The following MATK variants were observed in gnomAD, a reference collection of about 807,000 sequenced individuals.
The protein encoded by MATK is megakaryocyte-associated tyrosine kinase, also known as megakaryocyte-associated tyrosine-protein kinase.
Under a neutral mutation model 59.8 loss-of-function variants are expected in MATK, and 41 were observed. That is an observed-to-expected ratio of 0.69 (90% CI 0.53 to 0.89). The LOEUF (loss-of-function observed/expected upper bound fraction) is 0.89. MATK is among the 40% of genes least tolerant of loss of function. MATK has a pLI of 0.00. For missense variants in MATK, 593 were observed against 719.6 expected, an observed-to-expected ratio of 0.82 and a Z score of 2.01; for synonymous variants, 308 against 306.1, an observed-to-expected ratio of 1.01 and a Z score of -0.06.
intron 10 of MATK, 24 bp downstream of exon 10, chr19:3,779,509 C>T (rs1293285253): frequency 1.3e-6 from 2 of 1,599,318 alleles, no homozygotes; most frequent in Non-Finnish European, 1.7e-6. Context: ...CGTGGGCCCC[C>T]TCCCCGCCTG....
chr19:3,783,952 C>T lies in MATK; in HGVS notation c.444G>A (p.Glu148=), dbSNP rs757647539. The change falls in exon 6 of 14, where the codon GAG becomes GAA. Residue 148 remains glutamate, a synonymous_variant. Transcript: ENST00000310132. The part of the protein sequence containing the change: ...PPEDGLFLVR[E]SARHPGDYVL... ...CGTAGTCGCCGGGGTGGCGCGCGGACTCCCGCACCAGGAACAGCCCATCCT... is the reference window on the plus strand; with the variant it reads ...CGTAGTCGCCGGGGTGGCGCGCGGATTCCCGCACCAGGAACAGCCCATCCT... 2 of 1,612,486 alleles carry T rather than the reference C, an allele frequency of 1.2e-6. No homozygotes were observed. Among genetic ancestry groups the T allele is most frequent in the Admixed American group, 1.7e-5 (1 of 59,962 alleles).
intron 1 of MATK, among the ~76,000 whole-genome samples, chr19:3,796,467 G>C (rs2037595545): frequency 6.6e-6 from 1 of 152,106 alleles, no homozygotes; most frequent in Non-Finnish European, 1.5e-5. Flanking sequence ...TGAAAATTCA[G>C]TGCTTATAGT....
chr19:3,785,240 G>T lies in MATK; in HGVS notation c.-105C>A, dbSNP rs981383457. Reference sequence around the variant, plus strand: ...CACAGGCCAGTCGGCTGGCACAGGAGGTAGGGAGCTGGGTGCCACTGGACC... The same window carrying T: ...CACAGGCCAGTCGGCTGGCACAGGATGTAGGGAGCTGGGTGCCACTGGACC... On this transcript the variant is annotated 5_prime_UTR_variant, in exon 2 of 14. Transcript: ENST00000310132. 12 of 1,580,368 alleles carry T rather than the reference G, an allele frequency of 7.6e-6. No individual in the cohort carries two copies. The highest frequency in any genetic ancestry group is 1.0e-5 in the Non-Finnish European group (12 of 1,166,320).
At position 3,778,299 on chromosome 19, in the gene MATK, G is replaced by T; in HGVS notation, c.1408C>A (p.Pro470Thr). ...AGCTTCTCGGCCAGTTTGCGGAAGG[G>T]TGGCCGGCGGGCGGGCTCTGCCTCC... ...CWEAEPARRP[P>T]FRKLAEKLAR... The change falls in exon 14 of 14, where the codon CCC becomes ACC. Residue 470 changes from proline to threonine, a missense_variant. Transcript: ENST00000310132. 2 of 1,576,024 alleles carry T rather than the reference G, an allele frequency of 1.3e-6. No homozygotes were observed. The highest frequency in any genetic ancestry group is 2.0e-5 in the Admixed American group (1 of 49,824).
chr19:3,796,936 C>T (rs780468565), intron 1 of MATK, among the ~76,000 whole-genome samples: 1 of 152,158 alleles, frequency 6.6e-6, no homozygotes, highest in Non-Finnish European at 1.5e-5. Flanking sequence ...TTTCCTCATA[C>T]TTTGCCTGTC....
chr19:3,793,076 T>G (rs945954253), intron 1 of MATK: 3 of 152,272 alleles, frequency 2.0e-5, no homozygotes, highest in African/African-American at 7.2e-5. Flanking sequence ...TCACTCATTC[T>G]GCAACCAGTC....
chr19:3,786,304 A>G lies in MATK; in HGVS notation c.-287T>C, dbSNP rs999228433. 138 of 984,724 alleles carry G rather than the reference A, an allele frequency of 1.4e-4. No homozygotes were observed. The highest frequency in any genetic ancestry group is 1.7e-4 in the Non-Finnish European group (137 of 829,766). 61.0% of individuals were successfully genotyped at this position (984,724 alleles called of 1,614,324 possible). On this transcript the variant is annotated 5_prime_UTR_variant, in exon 1 of 14. Coordinates refer to ENST00000310132, the MANE Select transcript of MATK (RefSeq NM_139355.3). The surrounding 1 kb of genome is among the most constrained non-coding windows in gnomAD (Gnocchi z 4.1). The stretch of plus-strand genomic sequence containing the variant: ...CTCCGTTTCCTCATTTTGGGGGCGA[A>G]GAAGGGTCGGGGAGTGGGGGAAAGC...
rs758085801 is a variant in MATK, at chr19:3,785,066, G to A, written c.70C>T (p.Arg24Trp). 1.0e-4 allele frequency: 164 copies of A among 1,613,756 alleles called. 2 individuals carry two copies. The highest frequency in any genetic ancestry group is 1.5e-4 in the South Asian group (14 of 91,090). ...CCCTGTGGGGAAGTGATCTTTACCCGGGGAAGTTCCTCAGCAGAATCACAG... is the reference window on the plus strand; with the variant it reads ...CCCTGTGGGGAAGTGATCTTTACCCAGGGAAGTTCCTCAGCAGAATCACAG... ...HGCDSAEELP[R>W]VSPRFLRAWH... Residue 24 changes from arginine (R) to tryptophan (W), a missense_variant and splice_region_variant, in exon 2 of 14, where the codon CGG becomes TGG. By Grantham distance (101) the Arg-to-Trp change is moderately radical. Transcript: ENST00000310132.
intron 1 of MATK, among the ~76,000 whole-genome samples, chr19:3,798,342 AG>A (rs2145118048): frequency 1.0e-5 from 1 of 97,626 alleles, no homozygotes; most frequent in East Asian, 3.2e-4. Flanking sequence ...TCCTCACCAC[AG>A]GGCGGCCTCA....
At chr19:3,778,847 G>A (rs1053060059) in intron 12 of MATK, 145 bp downstream of exon 12, 19 of 923,932 alleles carry the variant, frequency 2.1e-5, no homozygotes, top group East Asian at 5.3e-5. Flanking sequence ...GGGGGGCTAC[G>A]AGGAACAATT....
At chr19:3,792,423 C>T (rs1391192862) in intron 1 of MATK, among the ~76,000 whole-genome samples, 3 of 151,448 alleles carry the variant, frequency 2.0e-5, no homozygotes, top group African/African-American at 4.9e-5. Flanking sequence ...AGAAAGGCAT[C>T]GTGACTGAGG....
rs1568407872 is a variant in MATK, at chr19:3,784,874, CG to C, written c.82del (p.Arg28AlafsTer133). The C allele has an allele frequency of 1.9e-6, 3 of 1,539,754 alleles. No homozygotes were observed. The highest frequency in any genetic ancestry group is 1.2e-5 in the South Asian group (1 of 83,854). ...SAEELPRVSPRFLRAWHPPPV... is the reference protein window; with the variant it reads ...SAEELPRVSPXFLRAWHPPPV... Reference sequence around the variant, plus strand: ...AGGGGGGTGCCAGGCTCGGAGGAAGCGGGGGCTCACCTGGGGAGGGGACAGA... The same window carrying C: ...AGGGGGGTGCCAGGCTCGGAGGAAGCGGGGCTCACCTGGGGAGGGGACAGA... On this transcript the variant is annotated frameshift_variant, in exon 3 of 14. Coordinates refer to ENST00000310132, the MANE Select transcript of MATK (RefSeq NM_139355.3). LOFTEE classifies it high-confidence loss of function.
Position 3,783,847 on chromosome 19 carries a change from G to A in MATK, c.549C>T (p.Ala183=), listed in dbSNP as rs953614684. Residue 183 remains alanine (A), a synonymous_variant, in exon 6 of 14, where the codon GCC becomes GCT. Coordinates refer to ENST00000310132, the MANE Select transcript of MATK (RefSeq NM_139355.3). ...TGTCCATGAGGTTGCAGAAGAACACGGCCTCATCGATTGTGAGGTGGCCGT... is the reference window on the plus strand; with the variant it reads ...TGTCCATGAGGTTGCAGAAGAACACAGCCTCATCGATTGTGAGGTGGCCGT... ...HRDGHLTIDE[A]VFFCNLMDMV... 3.7e-6 allele frequency: 6 copies of A among 1,612,818 alleles called. No homozygotes were observed. Among genetic ancestry groups the A allele is most frequent in the African/African-American group, 2.7e-5 (2 of 74,892 alleles).
chr19:3,785,346 A>C, intron 1 of MATK, 60 bp from the exon 2 acceptor site: 3 of 1,166,784 alleles, frequency 2.6e-6, no homozygotes, highest in African/African-American at 1.6e-5. Context: ...ATTCCCAAGA[A>C]TCTCTGACCG....
upstream of MATK, among the ~76,000 whole-genome samples, chr19:3,789,721 CTTTTT>C (rs34795629): frequency 1.2e-5 from 1 of 86,510 alleles, no homozygotes; most frequent in Admixed American, 1.2e-4. Flanking sequence ...GGCAACTTTG[CTTTTT>C]TTTTTTTTTT....
At chr19:3,794,707 C>T (rs1048828210) in intron 1 of MATK, among the ~76,000 whole-genome samples, 3 of 152,014 alleles carry the variant, frequency 2.0e-5, no homozygotes, top group Admixed American at 6.6e-5. Context: ...CACATTATTC[C>T]GGAATAAACC....
At position 3,783,861 on chromosome 19, in the gene MATK, T is replaced by C; in HGVS notation, c.535A>G (p.Thr179Ala). 2 of 1,613,128 alleles carry C rather than the reference T, an allele frequency of 1.2e-6. No individual in the cohort carries two copies. Among genetic ancestry groups the C allele is most frequent in the Non-Finnish European group, 1.7e-6 (2 of 1,179,828 alleles). ...CAGAAGAACACGGCCTCATCGATTG[T>C]GAGGTGGCCGTCGCGGTGCAGCACG... ...YRVLHRDGHLTIDEAVFFCNL... is the reference protein window; with the variant it reads ...YRVLHRDGHLAIDEAVFFCNL... The change falls in exon 6 of 14, where the codon ACA (threonine) becomes GCA (alanine). Residue 179 changes from threonine to alanine, a missense_variant. Coordinates refer to ENST00000310132, the MANE Select transcript of MATK (RefSeq NM_139355.3).
intron 1 of MATK, among the ~76,000 whole-genome samples, chr19:3,800,491 C>T (rs999209708): frequency 1.8e-4 from 27 of 151,154 alleles, no homozygotes; most frequent in African/African-American, 6.6e-4. Flanking sequence ...ACTAAAAATG[C>T]AAAAATTAGC....
At chr19:3,780,966 G>C (rs2037393262) in intron 8 of MATK, among the ~76,000 whole-genome samples, 2 of 147,680 alleles carry the variant, frequency 1.4e-5, no homozygotes, top group African/African-American at 5.0e-5. Flanking sequence ...TGAGCTCAAG[G>C]GATCCTCCTG....
Sources: gnomAD v4.1 joint callset for allele counts (sites outside exome capture counted in the v4.1 genomes callset) on GRCh38, gnomAD v4.1.1 for gene constraint, Gnocchi (gnomAD v3.1) non-coding constraint, MANE v1.5 for transcripts, NCBI Gene and HGNC (gene_info 2026-07-23, HGNC 2026-07-21) for gene names.